The following NFIB variants were observed in gnomAD, a reference collection of about 807,000 sequenced individuals.
The protein encoded by NFIB is nuclear factor 1 B-type.
NFIB carries 11 observed loss-of-function variants against 61.5 expected under a neutral mutation model. The observed-to-expected ratio is 0.18, with a 90% CI of 0.11 to 0.30. The LOEUF (loss-of-function observed/expected upper bound fraction) is 0.30, where lower values mean the gene tolerates loss of function less well. Among genes scored for constraint, NFIB ranks in the 10% least tolerant of loss-of-function variants. The pLI, the probability that NFIB is intolerant of heterozygous loss-of-function variation, is 1.00. For missense variants in NFIB, 471 were observed against 608.9 expected (o/e 0.77, Z 2.38); for synonymous variants, 260 against 216.5 (o/e 1.20, Z -1.76).
intron 2 of NFIB, among the ~76,000 whole-genome samples, chr9:14,261,676 T>C (rs2056768728): frequency 6.6e-6 from 1 of 152,144 alleles, no homozygotes; most frequent in Admixed American, 6.6e-5. Flanking sequence ...TGGATGGTTT[T>C]AAGGGGACAG....
At chr9:14,112,760 A>G (rs1023159241) in intron 10 of NFIB, among the ~76,000 whole-genome samples, 1 of 152,244 alleles carries the variant, frequency 6.6e-6, no homozygotes, top group Non-Finnish European at 1.5e-5. Flanking sequence ...ACTATTACTC[A>G]TGGATGTTAT....
intron 2 of NFIB, among the ~76,000 whole-genome samples, chr9:14,196,695 A>G (rs2048509373): frequency 6.6e-6 from 1 of 152,106 alleles, no homozygotes; most frequent in African/African-American, 2.4e-5. Context: ...ACTTAAAAAA[A>G]AAAAAAAAAA....
chr9:14,158,029 T>C (rs986313763), intron 3 of NFIB, among the ~76,000 whole-genome samples: 1 of 149,818 alleles, frequency 6.7e-6, no homozygotes, highest in Non-Finnish European at 1.5e-5. Context: ...GAGAATCACT[T>C]GAACCCGGAA....
intron 3 of NFIB, among the ~76,000 whole-genome samples, chr9:14,175,642 G>T (rs2046105448): frequency 6.6e-6 from 1 of 152,130 alleles, no homozygotes; most frequent in African/African-American, 2.4e-5. Flanking sequence ...GTTCCCAGAG[G>T]TGTTGCCACA....
chr9:14,388,834 C>T (rs1045436733), intron 1 of NFIB, among the ~76,000 whole-genome samples: 1 of 152,126 alleles, frequency 6.6e-6, no homozygotes. Context: ...TTTTAAAATA[C>T]ATTTTCACTA....
the NFIB span, among the ~76,000 whole-genome samples, chr9:14,446,366 C>T: frequency 6.6e-6 from 1 of 152,292 alleles, no homozygotes; most frequent in African/African-American, 2.4e-5. Context: ...TTCTGGGATT[C>T]CAGTCCAACC....
At chr9:14,445,496 T>G in the NFIB span, among the ~76,000 whole-genome samples, 1 of 152,186 alleles carries the variant, frequency 6.6e-6, no homozygotes, top group African/African-American at 2.4e-5. Flanking sequence ...ATAAGAAATT[T>G]TGATCTTTTT....
chr9:14,154,068 T>A (rs1016545370), intron 4 of NFIB, among the ~76,000 whole-genome samples: 2 of 152,192 alleles, frequency 1.3e-5, no homozygotes, highest in African/African-American at 4.8e-5. Flanking sequence ...TGAAGTATAT[T>A]AAATTTACCT....
rs567597989 is a variant in NFIB, at chr9:14,367,436, G to A, written c.108+31088C>T. On this transcript the variant is annotated intron_variant, in intron 1 of 8. Coordinates refer to the NFIB transcript ENST00000380934. ...GCAGAGGGACTAGTAAGTGCAGAGG[G>A]ATCAGAGGTGTGAAACAGAAGGGCA... is the stretch of plus-strand genomic sequence containing the variant. Among the ~76,000 whole-genome samples, 3 of 151,978 alleles carry A rather than the reference G, an allele frequency of 2.0e-5. No individual in the cohort carries two copies. The South Asian group carries it at 6.2e-4, about 32-fold the overall frequency.
chr9:14,424,774 A>C, the NFIB span, among the ~76,000 whole-genome samples: 2 of 152,074 alleles, frequency 1.3e-5, no homozygotes, highest in Admixed American at 6.5e-5. Context: ...ATGGAGAGGG[A>C]AAGGATTTTT....
At chr9:14,098,922 T>C (rs2118771396) in intron 10 of NFIB, among the ~76,000 whole-genome samples, 1 of 152,354 alleles carries the variant, frequency 6.6e-6, no homozygotes. Flanking sequence ...GAGTCAGCTT[T>C]GGTTCCTAAG....
intron 1 of NFIB, among the ~76,000 whole-genome samples, chr9:14,332,771 C>G (rs1466204364): frequency 6.6e-6 from 1 of 152,112 alleles, no homozygotes; most frequent in African/African-American, 2.4e-5. Context: ...CGAACAAAAC[C>G]AGTGATATTC....
the NFIB span, among the ~76,000 whole-genome samples, chr9:14,517,207 A>T: frequency 6.6e-6 from 1 of 152,240 alleles, no homozygotes; most frequent in Non-Finnish European, 1.5e-5. Flanking sequence ...CAAGGCCCAC[A>T]GCTAACCTCC....
intron 3 of NFIB, among the ~76,000 whole-genome samples, chr9:14,167,076 TGTGTGTC>T (rs376643852): frequency 6.3e-4 from 58 of 92,252 alleles, no homozygotes; most frequent in African/African-American, 2.3e-3. Flanking sequence ...TTGTTGTGTG[TGTGTGTC>T]GGGGGGGGGG....
the NFIB span, among the ~76,000 whole-genome samples, chr9:14,426,247 T>G: frequency 6.6e-6 from 1 of 152,326 alleles, no homozygotes; most frequent in African/African-American, 2.4e-5. Flanking sequence ...TCCATGATTT[T>G]CCCTGTCTTT....
At chr9:14,265,624 C>G (rs1046023148) in intron 2 of NFIB, among the ~76,000 whole-genome samples, 19 of 152,106 alleles carry the variant, frequency 1.2e-4, no homozygotes, top group African/African-American at 4.6e-4. Context: ...TTATGGCAGC[C>G]CAAGTTGACT....
At chr9:14,516,010 G>T in the NFIB span, among the ~76,000 whole-genome samples, 1 of 152,232 alleles carries the variant, frequency 6.6e-6, no homozygotes, top group African/African-American at 2.4e-5. Flanking sequence ...TTGCTCATCT[G>T]TCAGAGGGAG....
At chr9:14,243,560 G>A (rs575844380) in intron 2 of NFIB, among the ~76,000 whole-genome samples, 9 of 152,100 alleles carry the variant, frequency 5.9e-5, no homozygotes, top group African/African-American at 1.9e-4. Context: ...GAGTTTTCAA[G>A]TCCAGCCAGA....
At chr9:14,114,534 T>C (rs1355762844) in intron 9 of NFIB, among the ~76,000 whole-genome samples, 2 of 152,234 alleles carry the variant, frequency 1.3e-5, no homozygotes, top group Non-Finnish European at 2.9e-5. Flanking sequence ...CTATGTTTCT[T>C]TTATGTAGGA....
Sources: allele counts gnomAD v4.1 joint callset (sites outside exome capture counted in the v4.1 genomes callset), GRCh38; gene constraint gnomAD v4.1.1; transcripts MANE v1.5; gene names NCBI Gene and HGNC (gene_info 2026-07-23, HGNC 2026-07-21).